The following SYTL2 variants were observed in gnomAD, a reference collection of about 807,000 sequenced individuals.
The protein encoded by SYTL2 is synaptotagmin like 2.
In SYTL2, 165 loss-of-function variants were observed where a neutral mutation model predicts 198.7. The ratio of observed to expected loss-of-function variants is 0.83; its 90% confidence interval spans 0.73 to 0.94. The LOEUF (loss-of-function observed/expected upper bound fraction) is 0.94. SYTL2 is among the 40% of genes least tolerant of loss of function. The probability of loss-of-function intolerance (pLI) is 0.00; values close to 1 mark genes in which losing one functional copy is unlikely to be tolerated. For missense variants in SYTL2, 2,835 were observed against 2,582.8 expected (o/e 1.10, Z -2.12); for synonymous variants, 966 against 917.7 (o/e 1.05, Z -0.95).
At chr11:85,712,272 CT>C (rs781122225) in intron 12 of SYTL2, among the ~76,000 whole-genome samples, 48 of 152,184 alleles carry the variant, frequency 3.2e-4, no homozygotes, top group Non-Finnish European at 5.7e-4. Context: ...AAATTCATAT[CT>C]TTTAAATGTC....
chr11:85,708,762 T>C (rs1029040518), intron 14 of SYTL2, among the ~76,000 whole-genome samples: 4 of 151,892 alleles, frequency 2.6e-5, no homozygotes, highest in Non-Finnish European at 5.9e-5. Context: ...TGCGTTCTTA[T>C]CTGTAAAATG....
chr11:85,820,342 G>A, the SYTL2 span, among the ~76,000 whole-genome samples: 1 of 152,276 alleles, frequency 6.6e-6, no homozygotes, highest in Non-Finnish European at 1.5e-5. Context: ...ACATTATTCT[G>A]AGAAGGAGCA....
In SYTL2 at chr11:85,705,729, A is replaced by G. The variant is rs11821118; in HGVS notation, c.6019-701T>C. Among the ~76,000 whole-genome samples, 838 of 152,350 alleles carry G rather than the reference A, an allele frequency of 5.5e-3. 9 individuals are homozygous for G. Among genetic ancestry groups the G allele is most frequent in the African/African-American group, 0.018 (741 of 41,580 alleles). ...TTTCCATTTGGCTTCATGATGTACT[A>G]CTTGAATGTCCACTGTGGTTGTAGT... On this transcript the variant is annotated intron_variant, in intron 15 of 19. Coordinates refer to ENST00000359152, the MANE Select transcript of SYTL2 (RefSeq NM_206927.4).
At chr11:85,800,638 C>T (rs2092872494) in intron 1 of SYTL2, among the ~76,000 whole-genome samples, 1 of 152,148 alleles carries the variant, frequency 6.6e-6, no homozygotes, top group South Asian at 2.1e-4. Flanking sequence ...CCAAGACTTG[C>T]TTTTAGTTCC....
intron 8 of SYTL2, among the ~76,000 whole-genome samples, chr11:85,722,170 A>ATTTTT (rs574669583): frequency 1.1e-5 from 1 of 94,634 alleles, no homozygotes; most frequent in Non-Finnish European, 2.1e-5. Flanking sequence ...TGTTTAGGTG[A>ATTTTT]TTTTTTTTTT....
At chr11:85,752,916 T>TCAAAAA in intron 2 of SYTL2, among the ~76,000 whole-genome samples, 1 of 33,870 alleles carries the variant, frequency 3.0e-5, no homozygotes, top group Non-Finnish European at 5.1e-5. Flanking sequence ...ACTGCCTTCA[T>TCAAAAA]TAAAAAAAAA....
chr11:85,752,189 G>T (rs962131808), intron 2 of SYTL2, among the ~76,000 whole-genome samples: 1 of 152,178 alleles, frequency 6.6e-6, no homozygotes, highest in Non-Finnish European at 1.5e-5. Flanking sequence ...GGCCAGATAG[G>T]TTGACTGGTC....
chr11:85,821,475 G>A, the SYTL2 span, among the ~76,000 whole-genome samples: 2 of 152,318 alleles, frequency 1.3e-5, no homozygotes, highest in East Asian at 3.9e-4. Flanking sequence ...AGCCGTGATT[G>A]AGAGACACAG....
rs75207631 is a variant in SYTL2 at position 85,726,183 on chromosome 11, T to C, written c.3175A>G (p.Ile1059Val). The change falls in exon 8 of 20, where the codon ATA (isoleucine) becomes GTA (valine). Residue 1059 changes from isoleucine to valine, a missense_variant. Around this residue, in one of 3 missense-constraint regions of SYTL2, gnomAD observed 2,645 missense variants for 2,381.7 expected, o/e 1.11. Transcript: ENST00000359152. The part of the protein sequence containing the change: ...EEMEKLNSKG[I>V]LQVLPDEITF... ...ATTTCATCTGGTAGCACCTGGAGTA[T>C]GCCCTTTGAATTTAATTTCTCCATT... The C allele has an allele frequency of 0.02, 32,441 of 1,613,926 alleles. 466 individuals are homozygous for C. Among genetic ancestry groups the C allele is most frequent in the Non-Finnish European group, 0.025 (28,914 of 1,179,870 alleles).
chr11:85,789,374 AT>A (rs2092695015), intron 1 of SYTL2, among the ~76,000 whole-genome samples: 6 of 44,204 alleles, frequency 1.4e-4, no homozygotes, highest in African/African-American at 3.4e-4. Flanking sequence ...ATATATATAT[AT>A]ATGTATATAT....
At position 85,727,975 on chromosome 11, in the gene SYTL2, A is replaced by G; in HGVS notation, c.1391-8T>C. On this transcript the variant is annotated splice_polypyrimidine_tract_variant and splice_region_variant and intron_variant, in intron 7 of 19. Transcript: ENST00000359152. ...CACAATGAGACAGTTCATCTGCAAC[A>G]TAGAAATACTTTTCTAAATAAGAAA... 6.4e-7 allele frequency: 1 copy of G among 1,562,888 alleles called. No homozygotes were observed. The highest frequency in any genetic ancestry group is 8.6e-7 in the Non-Finnish European group (1 of 1,159,430).
chr11:85,734,979 T>A (rs1034806039), intron 6 of SYTL2, among the ~76,000 whole-genome samples: 2 of 152,286 alleles, frequency 1.3e-5, no homozygotes, highest in African/African-American at 4.8e-5. Context: ...CCGCACACTA[T>A]TATACTTTTG....
At chr11:85,818,095 G>C in the SYTL2 span, among the ~76,000 whole-genome samples, 13 of 151,890 alleles carry the variant, frequency 8.6e-5, no homozygotes, top group Non-Finnish European at 1.5e-4. Flanking sequence ...TAGAGACAGG[G>C]TTTCACCATG....
At chr11:85,844,465 T>A in the SYTL2 span, among the ~76,000 whole-genome samples, 1 of 152,224 alleles carries the variant, frequency 6.6e-6, no homozygotes, top group Non-Finnish European at 1.5e-5. Flanking sequence ...GAAGTTAGAA[T>A]GTATACTGCC....
intron 12 of SYTL2, among the ~76,000 whole-genome samples, chr11:85,712,691 CAT>C (rs941377530): frequency 1.5e-4 from 22 of 145,912 alleles, no homozygotes; most frequent in African/African-American, 4.6e-4. Context: ...CTCGAAAATA[CAT>C]ATACACACAC....
chr11:85,720,860 G>GA lies in SYTL2; in HGVS notation c.5425dup (p.Ser1809PhefsTer8). On this transcript the variant is annotated frameshift_variant, in exon 9 of 20. Transcript: ENST00000359152. LOFTEE classifies it high-confidence loss of function. ...AGTGAGGCGAACTTTATTCTCACTT[G>GA]ATGAATCTGATGAAATGTCTTCTAG... 1 of 1,607,992 alleles carries GA rather than the reference G, an allele frequency of 6.2e-7. No individual in the cohort carries two copies. The highest frequency in any genetic ancestry group is 1.1e-5 in the South Asian group (1 of 90,968).
At chr11:85,701,798 A>G (rs940659509) in intron 16 of SYTL2, among the ~76,000 whole-genome samples, 6 of 152,230 alleles carry the variant, frequency 3.9e-5, no homozygotes, top group African/African-American at 1.4e-4. Context: ...CCCTAAACTA[A>G]TAACAATTTA....
At chr11:85,709,563 C>CATGG (rs1032673199) in intron 13 of SYTL2, 63 bp from the exon 14 acceptor site, 2 of 1,462,852 alleles carry the variant, frequency 1.4e-6, no homozygotes, top group African/African-American at 2.8e-5. Flanking sequence ...GCACAAGGAT[C>CATGG]ATGGATATAA....
chr11:85,734,663 C>A lies in SYTL2; in HGVS notation c.666G>T (p.Leu222Phe). 3 of 1,614,168 alleles carry A rather than the reference C, an allele frequency of 1.9e-6. No homozygotes were observed. Among genetic ancestry groups the A allele is most frequent in the Non-Finnish European group, 2.5e-6 (3 of 1,180,006 alleles). Residue 222 changes from leucine (L) to phenylalanine (F), a missense_variant, in exon 7 of 20, where the codon TTG becomes TTT. By Grantham distance (22) the Leu-to-Phe change is conservative. This residue lies in a region of SYTL2 where 2,645 missense variants were observed against 2,381.7 expected (regional missense o/e 1.11). Coordinates refer to ENST00000359152, the MANE Select transcript of SYTL2 (RefSeq NM_206927.4). ...TTTGGGACCCATTTGAAAGGCCTGG[C>A]AAAGTCTGCTTTGATTTCTCTAACT... ...IQKLEKSKQT[L>F]PGLSNGSQIK...
Sources: gnomAD v4.1 joint callset for allele counts (sites outside exome capture counted in the v4.1 genomes callset) on GRCh38, gnomAD v4.1.1 for gene constraint, gnomAD v4.1.1 regional missense constraint, MANE v1.5 for transcripts, NCBI Gene and HGNC (gene_info 2026-07-23, HGNC 2026-07-21) for gene names.